The following CLTCL1 variants were observed in gnomAD, a reference collection of about 807,000 sequenced individuals.
The protein encoded by CLTCL1 is clathrin heavy chain 2.
A neutral mutation model predicts 190.0 loss-of-function variants in CLTCL1; 159 were observed. The ratio of observed to expected loss-of-function variants is 0.84; its 90% confidence interval spans 0.74 to 0.95. The LOEUF is 0.95. CLTCL1 is among the 40% of genes least tolerant of loss of function. The probability of loss-of-function intolerance (pLI) is 0.00; values close to 1 mark genes in which losing one functional copy is unlikely to be tolerated. For synonymous variants in CLTCL1, 752 were observed against 769.6 expected, an observed-to-expected ratio of 0.98 and a Z score of 0.38; for missense variants, 1,878 against 2,033.4, an observed-to-expected ratio of 0.92 and a Z score of 1.47.
chr22:19,287,054 T>C (rs1320709334), intron 1 of CLTCL1, among the ~76,000 whole-genome samples: 1 of 152,158 alleles, frequency 6.6e-6, no homozygotes, highest in African/African-American at 2.4e-5. Context: ...CTGGGGGGAA[T>C]TACTTAGGGC....
At chr22:19,291,563 G>C in intron 1 of CLTCL1, 37 bp downstream of exon 1, 1 of 1,335,390 alleles carries the variant, frequency 7.5e-7, no homozygotes, top group South Asian at 1.9e-5. Context: ...GCGGAGGCGC[G>C]GCTGACAGGG....
At chr22:19,194,816 G>T (rs2084644264) in intron 26 of CLTCL1, among the ~76,000 whole-genome samples, 1 of 152,208 alleles carries the variant, frequency 6.6e-6, no homozygotes, top group African/African-American at 2.4e-5. Flanking sequence ...GCTATCGTGT[G>T]CCCCAAATAC....
intron 1 of CLTCL1, among the ~76,000 whole-genome samples, chr22:19,276,821 C>T (rs970294879): frequency 6.6e-6 from 1 of 152,256 alleles, no homozygotes; most frequent in South Asian, 2.1e-4. Context: ...AGGCGCCCGC[C>T]ACCACGCCTG....
In CLTCL1 at chr22:19,229,893, G is replaced by C; in HGVS notation, c.1727C>G (p.Ala576Gly). Residue 576 changes from alanine to glycine, a missense_variant, in exon 11 of 33, where the codon GCT (alanine) becomes GGT (glycine). Ala to Gly is a moderately conservative substitution (Grantham distance 60, BLOSUM62 0). Coordinates refer to ENST00000427926, the MANE Select transcript of CLTCL1 (RefSeq NM_007098.4). ...CAGCCATGTCTGCAGGAGTCCCTCA[G>C]CTGGGCGATTATTCTTCAAGGCATC... ...LLDALKNNRP[A>G]EGLLQTWLLE... The C allele has an allele frequency of 6.2e-7, 1 of 1,611,884 alleles. No homozygotes were observed. Among genetic ancestry groups the C allele is most frequent in the Non-Finnish European group, 8.5e-7 (1 of 1,179,134 alleles).
At position 19,222,084 on chromosome 22, in the gene CLTCL1, T is replaced by G; in HGVS notation, c.2428A>C (p.Ser810Arg). The G allele has an allele frequency of 1.9e-6, 3 of 1,613,912 alleles. No individual in the cohort carries two copies. In the South Asian group the frequency reaches 3.3e-5, roughly 18 times the overall value. ...IEIYVQKVNP[S>R]RTPAVIGGLL... ...CCTCCAATCACAGCTGGGGTCCGGC[T>G]AGGGTTGACCTAGGGTAGTCAAGGT... The change falls in exon 16 of 33, where the codon AGC (serine) becomes CGC (arginine). Residue 810 changes from serine to arginine, a missense_variant. Ser to Arg is a moderately radical substitution (Grantham distance 110). Transcript: ENST00000427926.
At position 19,204,237 on chromosome 22, in the gene CLTCL1, C is replaced by T. The variant is rs116781736; in HGVS notation, c.3601-2744G>A. 8.1e-4 allele frequency among the ~76,000 whole-genome samples: 124 copies of T among 152,288 alleles called. 1 individual carries two copies. Among genetic ancestry groups the T allele is most frequent in the African/African-American group, 2.9e-3 (122 of 41,550 alleles). On this transcript the variant is annotated intron_variant, in intron 22 of 32. Transcript: ENST00000427926. The stretch of plus-strand genomic sequence containing the variant: ...TGATGACGACCCCTGAAGTCCTGAC[C>T]CGCAGAGGCCAACAGCTGCCTCTTC...
Position 19,254,073 on chromosome 22 carries a change from G to T in CLTCL1, c.405C>A (p.Asp135Glu). The change falls in exon 3 of 33, where the codon GAC (aspartate) becomes GAA (glutamate). Residue 135 changes from aspartate (D) to glutamate (E), a missense_variant. Asp to Glu is a conservative substitution (Grantham distance 45, BLOSUM62 2). Transcript: ENST00000427926. ...TATCAAACATCTTCATGGGCTGGGA[G>T]TCACCTTCCATGCTCCAGTGGTAGA... ...TAVYHWSMEG[D>E]SQPMKMFDRH... is the part of the protein sequence containing the mutation. 6.2e-7 allele frequency: 1 copy of T among 1,612,382 alleles called. No homozygotes were observed. Among genetic ancestry groups the T allele is most frequent in the Non-Finnish European group, 8.5e-7 (1 of 1,179,106 alleles).
In CLTCL1 at chr22:19,201,362, G is replaced by A. The variant is rs782518522; in HGVS notation, c.3732C>T (p.Ser1244=). ...ACGTCCGGGTGCTGCTGGCCTTGCG[G>A]CTGTTGTCCACTGCTGCCTGATACT... ...LGEYQAAVDN[S]RKASSTRTWK... is the part of the protein sequence containing the mutation. Residue 1244 remains serine (S), a synonymous_variant, in exon 23 of 33, where the codon AGC becomes AGT. Coordinates refer to ENST00000427926, the MANE Select transcript of CLTCL1 (RefSeq NM_007098.4). 2.5e-6 allele frequency: 4 copies of A among 1,613,142 alleles called. No individual in the cohort carries two copies. In the Admixed American group the frequency reaches 6.7e-5, roughly 27 times the overall value.
rs373922168 is a variant in CLTCL1 at position 19,269,145 on chromosome 22, G to A, written c.250+6478C>T. ...AGGCCGGTAGTGGTGGTTCACGCCTGTAATCCCAGCACTTTGGGAGGCCAA... is the reference window on the plus strand; with the variant it reads ...AGGCCGGTAGTGGTGGTTCACGCCTATAATCCCAGCACTTTGGGAGGCCAA... On this transcript the variant is annotated intron_variant, in intron 2 of 32. Transcript: ENST00000427926. Among the ~76,000 whole-genome samples, 86 of 151,792 alleles carry A rather than the reference G, an allele frequency of 5.7e-4. 1 individual carries two copies. The highest frequency in any genetic ancestry group is 2.0e-3 in the African/African-American group (82 of 41,426).
At chr22:19,186,669 C>G (rs2084325836) in intron 29 of CLTCL1, among the ~76,000 whole-genome samples, 2 of 151,988 alleles carry the variant, frequency 1.3e-5, no homozygotes, top group African/African-American at 4.8e-5. Flanking sequence ...GGCGTGATCT[C>G]CGCTCACTGC....
rs547315222 is a variant in CLTCL1, at chr22:19,192,088, C to T, written c.4192-653G>A. ...CTTTTTTTTTTTTTTTTTTTTGAGA[C>T]GGAGTCTCACTCTGTCGCCCAGGCT... On this transcript the variant is annotated intron_variant, in intron 26 of 32. Coordinates refer to ENST00000427926, the MANE Select transcript of CLTCL1 (RefSeq NM_007098.4). Among the ~76,000 whole-genome samples the T allele has an allele frequency of 2.7e-4, 33 of 121,988 alleles. No homozygotes were observed. In the East Asian group the frequency reaches 7.3e-3, roughly 27 times the overall value. The allele number at this position is 121,988 out of a possible 152,430, so 80.0% of individuals were successfully genotyped here.
intron 5 of CLTCL1, among the ~76,000 whole-genome samples, 192 bp downstream of exon 5, chr22:19,239,083 C>A (rs971949784): frequency 6.6e-6 from 1 of 152,160 alleles, no homozygotes; most frequent in African/African-American, 2.4e-5. Context: ...CACCCTCATG[C>A]CGGGCATTCC....
intron 1 of CLTCL1, among the ~76,000 whole-genome samples, chr22:19,289,274 T>C (rs1278640008): frequency 2.6e-5 from 4 of 152,206 alleles, no homozygotes; most frequent in Non-Finnish European, 5.9e-5. Flanking sequence ...TGAGCCACCA[T>C]GCTCGGCCTG....
At chr22:19,208,644 C>T (rs1569171619) in intron 21 of CLTCL1, among the ~76,000 whole-genome samples, 1 of 151,552 alleles carries the variant, frequency 6.6e-6, no homozygotes, top group Admixed American at 6.6e-5. Context: ...GTGGGCCTGT[C>T]ACTCACTTTA....
chr22:19,225,737 T>C, intron 12 of CLTCL1, 104 bp from the exon 13 acceptor site: 1 of 1,084,828 alleles, frequency 9.2e-7, no homozygotes, highest in Non-Finnish European at 1.3e-6. Context: ...GTGTCAAAAA[T>C]ACAGAGAATT....
intron 3 of CLTCL1, among the ~76,000 whole-genome samples, chr22:19,243,628 CA>C (rs1160055586): frequency 3.3e-5 from 5 of 151,500 alleles, no homozygotes; most frequent in East Asian, 1.9e-4. Flanking sequence ...CCAAAAAAAC[CA>C]AAACCCCCAA....
intron 22 of CLTCL1, among the ~76,000 whole-genome samples, chr22:19,204,710 CA>C (rs1322271293): frequency 8.5e-5 from 13 of 152,266 alleles, no homozygotes; most frequent in South Asian, 4.1e-4. Context: ...ACAGGAAACG[CA>C]GGGAAAATGA....
At chr22:19,190,253 C>T (rs558541246) in intron 27 of CLTCL1, among the ~76,000 whole-genome samples, 4 of 152,326 alleles carry the variant, frequency 2.6e-5, no homozygotes, top group South Asian at 2.1e-4. Context: ...CCACCATTCC[C>T]GGCCATTAAT....
At chr22:19,199,546 G>A (rs1221943587) in intron 24 of CLTCL1, among the ~76,000 whole-genome samples, 188 bp downstream of exon 24, 1 of 152,226 alleles carries the variant, frequency 6.6e-6, no homozygotes, top group Admixed American at 6.5e-5. Flanking sequence ...GTCGAGGATA[G>A]CTAACAAGGC....
Sources: gnomAD v4.1 joint callset for allele counts (sites outside exome capture counted in the v4.1 genomes callset) on GRCh38, gnomAD v4.1.1 for gene constraint, MANE v1.5 for transcripts, NCBI Gene and HGNC (gene_info 2026-07-23, HGNC 2026-07-21) for gene names.